The following TMEM132B variants were observed in gnomAD, a reference collection of about 807,000 sequenced individuals.
The protein encoded by TMEM132B is transmembrane protein 132B.
TMEM132B carries 18 observed loss-of-function variants against 90.8 expected under a neutral mutation model. That is an observed-to-expected ratio of 0.20 (90% CI 0.14 to 0.29). The LOEUF (loss-of-function observed/expected upper bound fraction) is 0.29. Ranked by LOEUF, TMEM132B falls within the 10% of genes least tolerant of loss-of-function variation. The pLI, the probability that TMEM132B is intolerant of heterozygous loss-of-function variation, is 1.00. For missense variants in TMEM132B, 1,096 were observed against 1,326.8 expected, an observed-to-expected ratio of 0.83 and a Z score of 2.70; for synonymous variants, 504 against 523.3, an observed-to-expected ratio of 0.96 and a Z score of 0.50.
intron 5 of TMEM132B, among the ~76,000 whole-genome samples, chr12:125,638,729 G>C (rs1314179317): frequency 1.3e-5 from 2 of 152,070 alleles, no homozygotes; most frequent in Admixed American, 1.3e-4. Context: ...CAAACACAGA[G>C]GGTGGCTGAT....
At chr12:125,620,875 C>A (rs982035935) in intron 5 of TMEM132B, among the ~76,000 whole-genome samples, 1 of 152,178 alleles carries the variant, frequency 6.6e-6, no homozygotes, top group Non-Finnish European at 1.5e-5. Context: ...CCAATGATTC[C>A]ATTGCCTCCC....
intron 5 of TMEM132B, among the ~76,000 whole-genome samples, chr12:125,620,490 T>C (rs1217136771): frequency 6.6e-6 from 1 of 152,196 alleles, no homozygotes; most frequent in Non-Finnish European, 1.5e-5. Context: ...AAAATATGCA[T>C]ATTATCACTT....
At chr12:125,272,152 G>T (rs1874855328) in intron 1 of TMEM132B, among the ~76,000 whole-genome samples, 1 of 152,198 alleles carries the variant, frequency 6.6e-6, no homozygotes, top group Non-Finnish European at 1.5e-5. Flanking sequence ...GGAGAATTAA[G>T]AAAGGAATAG....
chr12:125,511,769 G>A (rs1231509209), intron 3 of TMEM132B, among the ~76,000 whole-genome samples: 8 of 150,068 alleles, frequency 5.3e-5, no homozygotes, highest in South Asian at 2.1e-4. Context: ...GGAGAATGGC[G>A]TGAACCCGGG....
chr12:125,601,058 C>T (rs150136329), intron 5 of TMEM132B, among the ~76,000 whole-genome samples: 2,669 of 152,198 alleles, frequency 0.018, 33 homozygotes, highest in Non-Finnish European at 0.025. Flanking sequence ...AACAGATCAA[C>T]GAGACAGAAA....
intron 3 of TMEM132B, among the ~76,000 whole-genome samples, chr12:125,449,963 G>A (rs957426146): frequency 1.9e-4 from 29 of 152,176 alleles, no homozygotes; most frequent in Non-Finnish European, 2.9e-5. Flanking sequence ...GCATTGAATT[G>A]TAACTGGAGG....
At chr12:125,299,545 T>G (rs1364754210) in intron 1 of TMEM132B, among the ~76,000 whole-genome samples, 2 of 152,152 alleles carry the variant, frequency 1.3e-5, no homozygotes, top group African/African-American at 4.8e-5. Context: ...GCTCAGGAGC[T>G]CCCTAGAGCC....
chr12:125,313,880 G>A (rs1001921466), intron 1 of TMEM132B, among the ~76,000 whole-genome samples: 1 of 150,748 alleles, frequency 6.6e-6, no homozygotes, highest in African/African-American at 2.4e-5. Flanking sequence ...ATTTTGCACC[G>A]GGCCCCGCAT....
intron 3 of TMEM132B, among the ~76,000 whole-genome samples, chr12:125,499,452 G>A (rs1882639928): frequency 6.6e-6 from 1 of 152,226 alleles, no homozygotes; most frequent in Non-Finnish European, 1.5e-5. Context: ...TGAGCCAACA[G>A]CGCGTGATGT....
chr12:125,219,849 C>T lies in TMEM132B; in HGVS notation c.67+32983C>T, dbSNP rs186821750. 7.2e-5 allele frequency among the ~76,000 whole-genome samples: 11 copies of T among 152,370 alleles called. No homozygotes were observed. In the East Asian group the frequency reaches 2.1e-3, roughly 29 times the overall value. ...AGGATCTGTGTATCTGAAGGAGCCA[C>T]TGTTTCCCCCAGGGGTCCCCCAGCA... On this transcript the variant is annotated intron_variant, in intron 1 of 8. Transcript: ENST00000682704.
chr12:125,591,543 G>A (rs1441792744), intron 5 of TMEM132B, among the ~76,000 whole-genome samples: 2 of 152,130 alleles, frequency 1.3e-5, no homozygotes, highest in East Asian at 3.9e-4. Context: ...CATCTGTGAT[G>A]TCCTTTTGAC....
At position 125,406,452 on chromosome 12, in the gene TMEM132B, G is replaced by T. The variant is rs79213069; in HGVS notation, c.960-9079G>T. On this transcript the variant is annotated intron_variant, in intron 2 of 8. Coordinates refer to ENST00000682704, the MANE Select transcript of TMEM132B (RefSeq NM_001366854.1). The surrounding 1 kb of genome is among the most constrained non-coding windows in gnomAD (Gnocchi z 8.3). The stretch of plus-strand genomic sequence containing the variant: ...TTTCTACTGTGAAATGGGTACCGGG[G>T]AAAGGTGAGCCACAGTCTCAGTCTG... Among the ~76,000 whole-genome samples the T allele has an allele frequency of 0.012, 1,873 of 152,308 alleles. 17 individuals are homozygous for T. Among genetic ancestry groups the T allele is most frequent in the Non-Finnish European group, 0.018 (1,210 of 68,018 alleles).
chr12:125,634,050 G>A (rs927359265), intron 5 of TMEM132B, among the ~76,000 whole-genome samples: 1 of 152,192 alleles, frequency 6.6e-6, no homozygotes, highest in Admixed American at 6.5e-5. Context: ...AGGTCCAGAG[G>A]TGCTGTCTGG....
At chr12:125,384,381 C>G (rs1364084863) in intron 2 of TMEM132B, among the ~76,000 whole-genome samples, 1 of 152,034 alleles carries the variant, frequency 6.6e-6, no homozygotes, top group Non-Finnish European at 1.5e-5. Flanking sequence ...ATTTTTGTTT[C>G]TATGTTTTAA....
chr12:125,527,982 C>T (rs1489258988), intron 4 of TMEM132B, among the ~76,000 whole-genome samples: 2 of 152,192 alleles, frequency 1.3e-5, no homozygotes, highest in African/African-American at 4.8e-5. Context: ...CACAGATGGT[C>T]AAAAGCTTCA....
chr12:125,612,224 C>T (rs1885848800), intron 5 of TMEM132B, among the ~76,000 whole-genome samples: 1 of 151,782 alleles, frequency 6.6e-6, no homozygotes, highest in Non-Finnish European at 1.5e-5. Flanking sequence ...GCCTATAATC[C>T]CAGCACTTTG....
intron 3 of TMEM132B, among the ~76,000 whole-genome samples, chr12:125,511,716 G>A (rs1410388905): frequency 2.0e-5 from 3 of 151,866 alleles, no homozygotes; most frequent in African/African-American, 7.3e-5. Context: ...GCCGGGTGTG[G>A]TGGCGGGCGC....
At chr12:125,227,535 T>C (rs11058082) in intron 1 of TMEM132B, among the ~76,000 whole-genome samples, 5,477 of 152,140 alleles carry the variant, frequency 0.036, 126 homozygotes, top group Non-Finnish European at 0.049. Flanking sequence ...AAATACCTGC[T>C]GGGCAGCAAA....
chr12:125,406,851 T>C lies in TMEM132B; in HGVS notation c.960-8680T>C, dbSNP rs768718877. Among the ~76,000 whole-genome samples, 6 of 152,178 alleles carry C rather than the reference T, an allele frequency of 3.9e-5. No individual in the cohort carries two copies. The highest frequency in any genetic ancestry group is 7.3e-5 in the Non-Finnish European group (5 of 68,034). ...TCAGAAACGCTGTTGTACTTATAAA[T>C]ATTGTTTATTCTAGTGAAAGGATAC... On this transcript the variant is annotated intron_variant, in intron 2 of 8. Coordinates refer to ENST00000682704, the MANE Select transcript of TMEM132B (RefSeq NM_001366854.1). This position sits in a 1 kb window ranked among gnomAD's most constrained non-coding sequence, Gnocchi z 8.3.
Sources: gnomAD v4.1 joint callset for allele counts (sites outside exome capture counted in the v4.1 genomes callset) on GRCh38, gnomAD v4.1.1 for gene constraint, Gnocchi (gnomAD v3.1) non-coding constraint, MANE v1.5 for transcripts, NCBI Gene and HGNC (gene_info 2026-07-23, HGNC 2026-07-21) for gene names.